Variants in NPC1 observed in about 807,000 individuals in gnomAD.
NPC1 encodes the protein Niemann-Pick C1 protein.
Under a neutral mutation model 140.4 loss-of-function variants are expected in NPC1, and 85 were observed. The observed-to-expected ratio is 0.61, with a 90% CI of 0.51 to 0.72. The LOEUF is 0.72. NPC1 is among the 30% of genes least tolerant of loss of function. NPC1 has a pLI of 0.00. For missense variants in NPC1, 1,504 were observed against 1,623.8 expected (o/e 0.93, Z 1.27); for synonymous variants, 656 against 624.8 (o/e 1.05, Z -0.74).
In NPC1 at chr18:23,551,652, C is replaced by A. The variant is rs557129077; in HGVS notation, c.1629G>T (p.Pro543=). The A allele has an allele frequency of 1.2e-6, 2 of 1,613,822 alleles. No homozygotes were observed. Among genetic ancestry groups the A allele is most frequent in the South Asian group, 1.1e-5 (1 of 91,082 alleles). ...CATCATAGCCTCCCAACACAAGCCA[C>A]GGGAACACTGGTCCACCAAACGTAC... ...CLGTFGGPVF[P]WLVLGGYDDQ... Residue 543 remains proline, a synonymous_variant, in exon 10 of 25, where the codon CCG becomes CCT. Transcript: ENST00000269228.
chr18:23,568,635 C>T (rs1385764650), intron 4 of NPC1, among the ~76,000 whole-genome samples, 188 bp downstream of exon 4: 1 of 152,090 alleles, frequency 6.6e-6, no homozygotes, highest in Non-Finnish European at 1.5e-5. Context: ...AAAGCAAGCG[C>T]TTTAAGGAGA....
Position 23,560,242 on chromosome 18 carries a change from C to CAGGTAA in NPC1, c.869_870insTTACCT (p.Val290_Trp291insTyrLeu). The stretch of plus-strand genomic sequence containing the variant: ...ACAAAACTGCTTACCTGTAGCACCA[C>CAGGTAA]ACTGCAAAAAATGCTCCAAAAAACA... On this transcript the variant is annotated inframe_insertion, in exon 6 of 25. Transcript: ENST00000269228. 1 of 1,614,144 alleles carries CAGGTAA rather than the reference C, an allele frequency of 6.2e-7. No homozygotes were observed. Among genetic ancestry groups the CAGGTAA allele is most frequent in the Non-Finnish European group, 8.5e-7 (1 of 1,180,032 alleles).
At chr18:23,511,173 G>C (rs540864394) in intron 3 of NPC1, among the ~76,000 whole-genome samples, 11 of 152,224 alleles carry the variant, frequency 7.2e-5, no homozygotes, top group Admixed American at 1.3e-4. Flanking sequence ...CATGTCTTTT[G>C]TGGGAACATG....
chr18:23,558,738 ATACTTT>A (rs1310685829), intron 6 of NPC1, among the ~76,000 whole-genome samples: 9 of 152,018 alleles, frequency 5.9e-5, no homozygotes, highest in Admixed American at 2.6e-4. Context: ...AATTATTATT[ATACTTT>A]AAGTTTTAGG....
downstream of NPC1, chr18:23,530,000 T>G (rs936330587): frequency 1.2e-5 from 19 of 1,574,866 alleles, no homozygotes; most frequent in Non-Finnish European, 1.7e-5. Flanking sequence ...TTTGGAAGTG[T>G]TCTTTCACTT....
At chr18:23,555,128 G>C in intron 8 of NPC1, 144 bp from the exon 9 acceptor site, 2 of 700,818 alleles carry the variant, frequency 2.9e-6, no homozygotes, top group Non-Finnish European at 5.1e-6. Context: ...GAATTAAGAT[G>C]CAATACAGTA....
At chr18:23,506,570 A>G (rs1216290761) in exon 4 of NPC1, 1 of 204,690 alleles carries the variant, frequency 4.9e-6, no homozygotes, top group East Asian at 1.7e-4. Flanking sequence ...GAGACACTGT[A>G]GTGGAGCCAT....
downstream of NPC1, chr18:23,529,072 T>G: frequency 6.7e-7 from 1 of 1,495,780 alleles, no homozygotes; most frequent in Non-Finnish European, 8.9e-7. Flanking sequence ...TGTTTTCCGC[T>G]CATATCCTGG....
At chr18:23,545,194 C>T in intron 11 of NPC1, 45 bp from the exon 12 acceptor site, 1 of 1,384,336 alleles carries the variant, frequency 7.2e-7, no homozygotes. Context: ...AACTAACTGA[C>T]AGCTAAGTAA....
rs776239152 is a variant in NPC1, at chr18:23,531,599, T to G, written c.*603A>C. On this transcript the variant is annotated 3_prime_UTR_variant, in exon 25 of 25. Transcript: ENST00000269228. Reference sequence around the variant, plus strand: ...TCCCTCATTTCATGCCACATCTAACTGGCAATTAAATCTCTTCCTTTCTAG... The same window carrying G: ...TCCCTCATTTCATGCCACATCTAACGGGCAATTAAATCTCTTCCTTTCTAG... 6.2e-6 allele frequency: 10 copies of G among 1,607,202 alleles called. No homozygotes were observed. In the South Asian group the frequency reaches 1.0e-4, roughly 16 times the overall value.
chr18:23,523,322 G>A (rs1013175570), intron 1 of NPC1, among the ~76,000 whole-genome samples: 3 of 152,026 alleles, frequency 2.0e-5, no homozygotes, highest in Admixed American at 6.5e-5. Flanking sequence ...GGTTGTTAAC[G>A]GTCCCTGTCA....
At chr18:23,544,261 C>T (rs889649302) in intron 13 of NPC1, 83 bp downstream of exon 13, 6 of 1,341,154 alleles carry the variant, frequency 4.5e-6, no homozygotes, top group African/African-American at 1.4e-5. Flanking sequence ...ACAGGTCACA[C>T]TCACGAATGC....
chr18:23,514,296 T>G (rs1598862001), intron 3 of NPC1, among the ~76,000 whole-genome samples: 1 of 152,184 alleles, frequency 6.6e-6, no homozygotes, highest in East Asian at 1.9e-4. Context: ...TGGGCGATCA[T>G]CTGAGGTCAG....
intron 4 of NPC1, among the ~76,000 whole-genome samples, chr18:23,568,140 T>G (rs1333720709): frequency 2.0e-5 from 3 of 152,152 alleles, no homozygotes; most frequent in Non-Finnish European, 4.4e-5. Flanking sequence ...TAGCCCACCT[T>G]TTCTCTCAAT....
At chr18:23,527,685 C>CT, downstream of NPC1, 2 of 791,684 alleles carry the variant, frequency 2.5e-6, no homozygotes, top group South Asian at 2.7e-5. Flanking sequence ...TTTAAAGGTA[C>CT]TTTTGCATTG....
intron 11 of NPC1, among the ~76,000 whole-genome samples, chr18:23,547,269 C>T (rs1277605643): frequency 6.6e-6 from 1 of 152,176 alleles, no homozygotes; most frequent in East Asian, 1.9e-4. Flanking sequence ...CAGTTAATTT[C>T]TGAGGTCATT....
intron 3 of NPC1, 47 bp downstream of exon 3, chr18:23,572,027 C>A: frequency 8.2e-7 from 1 of 1,220,512 alleles, no homozygotes; most frequent in South Asian, 1.2e-5. Context: ...ATTACCAGTT[C>A]ACAAGTATCT....
In NPC1 at chr18:23,556,308, G is replaced by A. The variant is rs2058949363; in HGVS notation, c.1261C>T (p.Gln421Ter). Residue 421 changes from glutamine to a stop codon, truncating the protein, a stop_gained, in exon 8 of 25, where the codon CAG becomes TAG. Transcript: ENST00000269228. LOFTEE classifies it high-confidence loss of function. ...ACATCAGCTCCCGAAGGGTATGGCTGGTAAATGTGTTTGTCAGTGAGAGGG... is the reference window on the plus strand; with the variant it reads ...ACATCAGCTCCCGAAGGGTATGGCTAGTAAATGTGTTTGTCAGTGAGAGGG... Reference protein sequence around the residue: ...RAPLTDKHIYQPYPSGADVPF... With the variant: ...RAPLTDKHIY 1 of 1,614,110 alleles carries A rather than the reference G, an allele frequency of 6.2e-7. No homozygotes were observed. Among genetic ancestry groups the A allele is most frequent in the Non-Finnish European group, 8.5e-7 (1 of 1,180,010 alleles).
At chr18:23,551,531 C>T (rs2058872505) in intron 10 of NPC1, 96 bp downstream of exon 10, 9 of 961,196 alleles carry the variant, frequency 9.4e-6, no homozygotes, top group East Asian at 2.4e-5. Flanking sequence ...AACAAAACTG[C>T]CCAATTTATG....
Sources: gnomAD v4.1 joint callset for allele counts (sites outside exome capture counted in the v4.1 genomes callset) on GRCh38, gnomAD v4.1.1 for gene constraint, MANE v1.5 for transcripts, NCBI Gene and HGNC (gene_info 2026-07-23, HGNC 2026-07-21) for gene names.